The following AFF2 variants were observed in gnomAD, a reference collection of about 807,000 sequenced individuals.
AFF2 encodes AF4/FMR2 family member 2.
AFF2 carries 14 observed loss-of-function variants against 76.9 expected under a neutral mutation model. The observed-to-expected ratio is 0.18, with a 90% CI of 0.12 to 0.28. The LOEUF is 0.28. Ranked by LOEUF, AFF2 falls within the 10% of genes least tolerant of loss-of-function variation. AFF2 has a pLI of 1.00. For missense variants in AFF2, 868 were observed against 1,001.1 expected (o/e 0.87, Z 1.79); for synonymous variants, 398 against 366.7 (o/e 1.09, Z -0.98).
At chrX:148,691,801 G>A (rs1174040570) in intron 3 of AFF2, among the ~76,000 whole-genome samples, 1 of 111,465 alleles carries the variant, frequency 9.0e-6, no homozygotes, top group Non-Finnish European at 1.9e-5. Context: ...TAATAGTGAT[G>A]GCTGACATTA....
At chrX:148,906,843 C>T (rs782501956) in intron 9 of AFF2, among the ~76,000 whole-genome samples, 15 of 111,812 alleles carry the variant, frequency 1.3e-4, no homozygotes, top group East Asian at 8.5e-4. Flanking sequence ...GCAGAGTGTC[C>T]GCTGCACTCC....
intron 1 of AFF2, among the ~76,000 whole-genome samples, chrX:148,642,318 G>A (rs1557254816): frequency 8.9e-6 from 1 of 112,401 alleles, no homozygotes; most frequent in African/African-American, 3.2e-5. Context: ...ATTATAAACT[G>A]CTCCTTAAGG....
At chrX:148,727,971 T>C (rs986493852) in intron 3 of AFF2, among the ~76,000 whole-genome samples, 1 of 112,382 alleles carries the variant, frequency 8.9e-6, no homozygotes, top group African/African-American at 3.2e-5. Flanking sequence ...TTGATGTCTT[T>C]GGTGTTAATA....
chrX:148,829,022 G>T (rs781868795), intron 4 of AFF2, among the ~76,000 whole-genome samples: 2 of 112,284 alleles, frequency 1.8e-5, no homozygotes, highest in Non-Finnish European at 3.8e-5. Flanking sequence ...TGCATGTACA[G>T]ATTCTCCTCC....
At chrX:148,956,650 G>A in intron 11 of AFF2, 37 bp downstream of exon 11, 1 of 1,144,749 alleles carries the variant, frequency 8.7e-7, no homozygotes, top group Non-Finnish European at 1.2e-6. Flanking sequence ...GTGCTTGTGA[G>A]CAGTGTCTGT....
chrX:148,869,884 G>A (rs1199931776), intron 7 of AFF2, among the ~76,000 whole-genome samples: 4 of 111,138 alleles, frequency 3.6e-5, no homozygotes, highest in African/African-American at 6.6e-5. Context: ...ATGGGTGACC[G>A]TATGCAAATT....
rs1449264103 is a variant in AFF2, at chrX:148,881,892, C to A, written c.1263-3997C>A. On this transcript the variant is annotated intron_variant, in intron 7 of 20. Coordinates refer to ENST00000370460, the MANE Select transcript of AFF2 (RefSeq NM_002025.4). ...GTCCAGAGTAGGTATTATTATTGCC[C>A]ATTTTAACATATAGAAAATTGAGAT... Among the ~76,000 whole-genome samples the A allele has an allele frequency of 3.6e-5, 4 of 110,663 alleles. No individual in the cohort carries two copies. In the South Asian group the frequency reaches 1.6e-3, roughly 44 times the overall value.
chrX:148,667,037 A>G (rs2054367616), intron 3 of AFF2, among the ~76,000 whole-genome samples: 1 of 112,415 alleles, frequency 8.9e-6, no homozygotes, highest in Non-Finnish European at 1.9e-5. Context: ...ACTAACGTGT[A>G]GAGTGTCATA....
chrX:148,693,997 T>C (rs782616122), intron 3 of AFF2, among the ~76,000 whole-genome samples: 5 of 110,803 alleles, frequency 4.5e-5, no homozygotes, highest in East Asian at 2.8e-4. Context: ...CCGTAAAAAA[T>C]GATGAGTTCA....
chrX:148,509,946 T>C (rs1461375498), intron 1 of AFF2, among the ~76,000 whole-genome samples: 1 of 111,392 alleles, frequency 9.0e-6, no homozygotes, highest in Non-Finnish European at 1.9e-5. Flanking sequence ...GCTTCCTCCG[T>C]CCCTCAAACT....
At chrX:148,639,741 G>A (rs183282332) in intron 1 of AFF2, among the ~76,000 whole-genome samples, 3 of 111,996 alleles carry the variant, frequency 2.7e-5, no homozygotes, top group African/African-American at 9.7e-5. Context: ...GGATAAACAT[G>A]GCTCAAATTG....
chrX:148,624,310 T>C (rs2053900600), intron 1 of AFF2, among the ~76,000 whole-genome samples: 1 of 111,729 alleles, frequency 9.0e-6, no homozygotes, highest in South Asian at 3.8e-4. Context: ...TATAATGATC[T>C]GGGTTAAAAT....
At chrX:148,799,619 A>G (rs2070030860) in intron 3 of AFF2, among the ~76,000 whole-genome samples, 1 of 112,422 alleles carries the variant, frequency 8.9e-6, no homozygotes, top group African/African-American at 3.2e-5. Context: ...GTTTTACAGT[A>G]TTTGAATGGA....
At chrX:148,555,971 T>C (rs2053047886) in intron 1 of AFF2, among the ~76,000 whole-genome samples, 1 of 111,159 alleles carries the variant, frequency 9.0e-6, no homozygotes. Context: ...AAATGTGGAG[T>C]TTTCAGGGTG....
At chrX:148,651,011 A>ATG in intron 1 of AFF2, among the ~76,000 whole-genome samples, 1 of 112,252 alleles carries the variant, frequency 8.9e-6, no homozygotes, top group Non-Finnish European at 1.9e-5. Flanking sequence ...CAGTGTATAT[A>ATG]TACTCACTTT....
chrX:148,769,807 C>T (rs1189795237), intron 3 of AFF2, among the ~76,000 whole-genome samples: 4 of 111,467 alleles, frequency 3.6e-5, no homozygotes, highest in African/African-American at 6.5e-5. Flanking sequence ...CAGACTGACT[C>T]CCAGGAAGAA....
At chrX:148,963,810 G>A (rs1291882786) in intron 13 of AFF2, among the ~76,000 whole-genome samples, 5 of 112,028 alleles carry the variant, frequency 4.5e-5, no homozygotes, top group Non-Finnish European at 5.6e-5. Context: ...TTTGGTCTAG[G>A]CCAATCGGGC....
At chrX:148,946,833 T>C (rs1293748693) in intron 9 of AFF2, among the ~76,000 whole-genome samples, 3 of 111,996 alleles carry the variant, frequency 2.7e-5, no homozygotes, top group Non-Finnish European at 5.6e-5. Context: ...CCTCTTTTAC[T>C]TGTAAGGATC....
At chrX:148,615,421 C>A (rs928726827) in intron 1 of AFF2, among the ~76,000 whole-genome samples, 1 of 111,806 alleles carries the variant, frequency 8.9e-6, no homozygotes. Flanking sequence ...GTTGTCAAAC[C>A]ATTATCGTGG....
Sources: gnomAD v4.1 joint callset for allele counts (sites outside exome capture counted in the v4.1 genomes callset) on GRCh38, gnomAD v4.1.1 for gene constraint, MANE v1.5 for transcripts, NCBI Gene and HGNC (gene_info 2026-07-23, HGNC 2026-07-21) for gene names.